NR0B1: variants seen among roughly 807,000 people sequenced by gnomAD.
The protein encoded by NR0B1 is DSS-AHC critical region on the X chromosome protein 1.
NR0B1 carries 3 observed loss-of-function variants against 23.0 expected under a neutral mutation model. The ratio of observed to expected loss-of-function variants is 0.13; its 90% CI spans 0.06 to 0.34. NR0B1 has a LOEUF of 0.34. Ranked by LOEUF, NR0B1 falls within the 10% of genes least tolerant of loss-of-function variation. NR0B1 has a pLI of 1.00. For missense variants in NR0B1, 350 were observed against 402.9 expected, an observed-to-expected ratio of 0.87 and a Z score of 1.12; for synonymous variants, 205 against 184.0, an observed-to-expected ratio of 1.11 and a Z score of -0.92.
intron 1 of NR0B1, among the ~76,000 whole-genome samples, chrX:30,307,050 C>T (rs1926533496): frequency 9.0e-6 from 1 of 111,556 alleles, no homozygotes; most frequent in African/African-American, 3.3e-5. Context: ...TATTATCCCA[C>T]CAAATACTGA....
chrX:30,305,795 C>A, intron 1 of NR0B1: 1 of 470,397 alleles, frequency 2.1e-6, no homozygotes, highest in African/African-American at 2.5e-5. Flanking sequence ...AAGTAATTAG[C>A]AGTTGACCAC....
chrX:30,304,362 C>A lies in NR0B1; in HGVS notation c.*217G>T, dbSNP rs771698153. On this transcript the variant is annotated 3_prime_UTR_variant, in exon 2 of 2. Coordinates refer to ENST00000378970, the MANE Select transcript of NR0B1 (RefSeq NM_000475.5). ...TTTTTTTTTTAAAAGATGTACAGAG[C>A]TATGCTACCTGTTGGCAAATGTCTT... is the stretch of plus-strand genomic sequence containing the variant. 1.5e-4 allele frequency: 60 copies of A among 389,620 alleles called. No homozygotes were observed. Among genetic ancestry groups the A allele is most frequent in the Non-Finnish European group, 2.1e-4 (48 of 226,375 alleles). 32.1% of individuals were successfully genotyped at this position (389,620 alleles called of 1,213,427 possible).
In NR0B1 at chrX:30,304,492, T is replaced by G. The variant is rs940899112; in HGVS notation, c.*87A>C. ...GTAAAAATATTAAGAAAGTTTATTT[T>G]AAAATATTTTACACTCTTTTGCCCA... On this transcript the variant is annotated 3_prime_UTR_variant, in exon 2 of 2. Coordinates refer to ENST00000378970, the MANE Select transcript of NR0B1 (RefSeq NM_000475.5). The G allele has an allele frequency of 2.0e-5, 20 of 1,006,936 alleles. No homozygotes were observed. Among genetic ancestry groups the G allele is most frequent in the Non-Finnish European group, 2.6e-5 (19 of 722,166 alleles). The allele number at this position is 1,006,936 out of a possible 1,213,427, so 83.0% of individuals were successfully genotyped here.
rs755824177 is a variant in NR0B1, at chrX:30,309,269, G to C, written c.95C>G (p.Thr32Arg). The C allele has an allele frequency of 1.7e-6, 2 of 1,166,394 alleles. No individual in the cohort carries two copies. The highest frequency in any genetic ancestry group is 2.3e-6 in the Non-Finnish European group (2 of 862,909). The change falls in exon 1 of 2, where the codon ACG becomes AGG. Residue 32 changes from threonine to arginine, a missense_variant. Transcript: ENST00000378970. The part of the protein sequence containing the change: ...QTRAAPEAPE[T>R]RLVDQCWGCS... ...GCCCCAGCACTGATCCACCAGCCGC[G>C]TCTCTGGAGCCTCAGGAGCCGCGCG...
rs1213642743 is a variant in NR0B1, at chrX:30,304,703, T to C, written c.1289A>G (p.Asn430Ser). ...QGPHDRFIEL[N>S]STLFLLRFIN... is the part of the protein sequence containing the mutation. ...GAATCTCAGCAGGAAAAGGGTACTA[T>C]TAAGTTCGATGAATCTGTCATGGGG... Residue 430 changes from asparagine to serine, a missense_variant, in exon 2 of 2, where the codon AAT becomes AGT. By Grantham distance (46) the Asn-to-Ser change is conservative (BLOSUM62 1). Around this residue, in one of 2 missense-constraint regions of NR0B1, gnomAD observed 52 missense variants for 88.9 expected, o/e 0.58. Transcript: ENST00000378970. 1.7e-6 allele frequency: 2 copies of C among 1,209,294 alleles called. No homozygotes were observed. The highest frequency in any genetic ancestry group is 5.9e-5 in the East Asian group (2 of 33,788).
In NR0B1 at chrX:30,308,213, G is replaced by A. The variant is rs777385334; in HGVS notation, c.1151C>T (p.Thr384Ile). The A allele has an allele frequency of 4.8e-5, 58 of 1,207,382 alleles. No homozygotes were observed. The highest frequency in any genetic ancestry group is 6.3e-5 in the Non-Finnish European group (56 of 892,514). The part of the protein sequence containing the change: ...STKEYAYLKG[T>I]VLFNPDVPGL... Reference sequence around the variant, plus strand: ...ACCCTTACCCGGGTTAAAGAGCACGGTCCCCTTGAGGTAGGCGTACTCCTT... The same window carrying A: ...ACCCTTACCCGGGTTAAAGAGCACGATCCCCTTGAGGTAGGCGTACTCCTT... Residue 384 changes from threonine to isoleucine, a missense_variant, in exon 1 of 2, where the codon ACC (threonine) becomes ATC (isoleucine). Physicochemically the swap from Thr to Ile is moderately conservative, Grantham distance 89 (BLOSUM62 -1). This residue lies in a region of NR0B1 where 52 missense variants were observed against 88.9 expected (regional missense o/e 0.58). Transcript: ENST00000378970.
intron 1 of NR0B1, among the ~76,000 whole-genome samples, chrX:30,307,849 T>C (rs1926551214): frequency 8.9e-6 from 1 of 112,373 alleles, no homozygotes; most frequent in Non-Finnish European, 1.9e-5. Context: ...AAAACTTTTT[T>C]TAGAAAAAGA....
rs369139831 is a variant in NR0B1, at chrX:30,308,385, C to T, written c.979G>A (p.Glu327Lys). 60 of 1,207,629 alleles carry T rather than the reference C, an allele frequency of 5.0e-5. No individual in the cohort carries two copies. The highest frequency in any genetic ancestry group is 1.5e-4 in the Admixed American group (7 of 45,583). Residue 327 changes from glutamate (E) to lysine (K), a missense_variant, in exon 1 of 2, where the codon GAG (glutamate) becomes AAG (lysine). This residue lies in a region of NR0B1 where 298 missense variants were observed against 314.0 expected (regional missense o/e 0.95). Transcript: ENST00000378970. ...GGCAGTGGCTCGTTGCCCCCGGTCT[C>T]CCGCCGCCTGGTGGTGAGGATCTTC... Reference protein sequence around the residue: ...LQKILTTRRRETGGNEPLPVP... With the variant: ...LQKILTTRRRKTGGNEPLPVP...
chrX:30,304,886 T>A, intron 1 of NR0B1, 63 bp from the exon 2 acceptor site: 2 of 1,161,536 alleles, frequency 1.7e-6, no homozygotes, highest in Admixed American at 4.6e-5. Flanking sequence ...GCTAGCTTTT[T>A]AAAAATAGCC....
chrX:30,305,303 C>T (rs1317495940), intron 1 of NR0B1, among the ~76,000 whole-genome samples: 1 of 112,299 alleles, frequency 8.9e-6, no homozygotes, highest in Non-Finnish European at 1.9e-5. Flanking sequence ...TGGTAAACTT[C>T]ACAGCCACAA....
intron 1 of NR0B1, among the ~76,000 whole-genome samples, chrX:30,307,388 C>G: frequency 9.9e-6 from 1 of 101,263 alleles, no homozygotes; most frequent in Non-Finnish European, 2.0e-5. Flanking sequence ...AAGACAGGAC[C>G]CTCAGGTGCC....
intron 1 of NR0B1, among the ~76,000 whole-genome samples, chrX:30,306,387 CTA>C (rs916863100): frequency 9.0e-6 from 1 of 111,024 alleles, no homozygotes; most frequent in African/African-American, 3.3e-5. Flanking sequence ...AAGTTTGAAC[CTA>C]TATATATAAT....
chrX:30,304,636 G>T lies in NR0B1; in HGVS notation c.1356C>A (p.Ile452=). 4 of 1,209,714 alleles carry T rather than the reference G, an allele frequency of 3.3e-6. No homozygotes were observed. The highest frequency in any genetic ancestry group is 4.5e-6 in the Non-Finnish European group (4 of 893,935). The change falls in exon 2 of 2, where the codon ATC becomes ATA. Residue 452 remains isoleucine, a synonymous_variant. Coordinates refer to ENST00000378970, the MANE Select transcript of NR0B1 (RefSeq NM_000475.5). ...TATCATCCATGCTGACTGTGCCGAT[G>T]ATGGGCCTGAAGAACAGTTCAGCAA... ...NVIAELFFRP[I]IGTVSMDDMM...
chrX:30,308,505 C>T lies in NR0B1; in HGVS notation c.859G>A (p.Val287Met). Residue 287 changes from valine to methionine, a missense_variant, in exon 1 of 2, where the codon GTG becomes ATG. Physicochemically the swap from Val to Met is conservative, Grantham distance 21. Transcript: ENST00000378970. Reference sequence around the variant, plus strand: ...AGCAGGGACGCCCAGCAGTTGCGCACCAGCACCAGCTGCTGGTCCAGGGGC... The same window carrying T: ...AGCAGGGACGCCCAGCAGTTGCGCATCAGCACCAGCTGCTGGTCCAGGGGC... Reference protein sequence around the residue: ...VLPLDQQLVLVRNCWASLLML... With the variant: ...VLPLDQQLVLMRNCWASLLML... The T allele has an allele frequency of 8.3e-7, 1 of 1,203,030 alleles. No homozygotes were observed. Among genetic ancestry groups the T allele is most frequent in the South Asian group, 1.8e-5 (1 of 55,671 alleles).
rs1926493283 is a variant in NR0B1, at chrX:30,304,876, G to A, written c.1169-53C>T. On this transcript the variant is annotated intron_variant, in intron 1 of 1. Transcript: ENST00000378970. ...AAAACAGCTCACCACAGAGTCCTTT[G>A]CTAGCTTTTTAAAAATAGCCATTTC... 3 of 1,184,348 alleles carry A rather than the reference G, an allele frequency of 2.5e-6. No homozygotes were observed. In the East Asian group the frequency reaches 9.0e-5, roughly 35 times the overall value.
intron 1 of NR0B1, among the ~76,000 whole-genome samples, chrX:30,305,341 A>G (rs967704312): frequency 1.8e-5 from 2 of 112,148 alleles, no homozygotes; most frequent in African/African-American, 6.5e-5. Context: ...CATTTTACCT[A>G]TTTGCCTGCA....
rs779558729 is a variant in NR0B1 at position 30,308,855 on chromosome X, G to C, written c.509C>G (p.Ala170Gly). The change falls in exon 1 of 2, where the codon GCG (alanine) becomes GGG (glycine). Residue 170 changes from alanine (A) to glycine (G), a missense_variant. By Grantham distance (60) the Ala-to-Gly change is moderately conservative. Transcript: ENST00000378970. ...PAAPEARPGG[A>G]WWDRSYFAQR... is the part of the protein sequence containing the mutation. Reference sequence around the variant, plus strand: ...CGCGAAGTAGGAGCGGTCCCACCACGCGCCCCCTGGCCGTGCCTCGGGCGC... The same window carrying C: ...CGCGAAGTAGGAGCGGTCCCACCACCCGCCCCCTGGCCGTGCCTCGGGCGC... The C allele has an allele frequency of 8.5e-7, 1 of 1,172,010 alleles. No homozygotes were observed.
Position 30,304,422 on chromosome X carries a change from T to C in NR0B1, c.*157A>G. 1 of 611,871 alleles carries C rather than the reference T, an allele frequency of 1.6e-6. No homozygotes were observed. Among genetic ancestry groups the C allele is most frequent in the South Asian group, 3.0e-5 (1 of 33,722 alleles). 50.4% of individuals were successfully genotyped at this position (611,871 alleles called of 1,213,427 possible). On this transcript the variant is annotated 3_prime_UTR_variant, in exon 2 of 2. Coordinates refer to ENST00000378970, the MANE Select transcript of NR0B1 (RefSeq NM_000475.5). ...TGGAACAGAGAAATTTGTGACTGTCTGGAATAAAATTATTTCTTTAATTGA... is the reference window on the plus strand; with the variant it reads ...TGGAACAGAGAAATTTGTGACTGTCCGGAATAAAATTATTTCTTTAATTGA...
In NR0B1 at chrX:30,304,209, C is replaced by A; in HGVS notation, c.*370G>T. On this transcript the variant is annotated 3_prime_UTR_variant, in exon 2 of 2. Coordinates refer to ENST00000378970, the MANE Select transcript of NR0B1 (RefSeq NM_000475.5). ...AGGCCTTACTTAAACCCTGCTGAAGCTTTTTTCAATCAAGTTAATAGTTAA... is the reference window on the plus strand; with the variant it reads ...AGGCCTTACTTAAACCCTGCTGAAGATTTTTTCAATCAAGTTAATAGTTAA... 6.9e-6 allele frequency: 1 copy of A among 145,103 alleles called. No individual in the cohort carries two copies. The highest frequency in any genetic ancestry group is 1.4e-5 in the Non-Finnish European group (1 of 73,876). The allele number at this position is 145,103 out of a possible 1,213,427, so 12.0% of individuals were successfully genotyped here.
Sources: gnomAD v4.1 joint callset for allele counts (sites outside exome capture counted in the v4.1 genomes callset) on GRCh38, gnomAD v4.1.1 for gene constraint, gnomAD v4.1.1 regional missense constraint, MANE v1.5 for transcripts, NCBI Gene and HGNC (gene_info 2026-07-23, HGNC 2026-07-21) for gene names.